TUBGCP3: variants seen among roughly 807,000 people sequenced by gnomAD.
TUBGCP3 encodes the protein gamma-tubulin complex component 3.
In TUBGCP3, 50 loss-of-function variants were observed where a neutral mutation model predicts 123.1. The ratio of observed to expected loss-of-function variants is 0.41; its 90% confidence interval spans 0.32 to 0.51. The LOEUF (loss-of-function observed/expected upper bound fraction) is 0.51, where lower values mean the gene tolerates loss of function less well. Ranked by LOEUF, TUBGCP3 falls within the 20% of genes least tolerant of loss-of-function variation. The pLI is 0.36. For missense variants in TUBGCP3, 882 were observed against 1,127.0 expected, an observed-to-expected ratio of 0.78 and a Z score of 3.11; for synonymous variants, 405 against 413.9, an observed-to-expected ratio of 0.98 and a Z score of 0.26.
At chr13:112,547,567 CGTGGG>C (rs763999225) in intron 10 of TUBGCP3, 48 bp downstream of exon 10, 2 of 1,352,908 alleles carry the variant, frequency 1.5e-6, no homozygotes, top group African/African-American at 3.3e-5. Context: ...GAAAGTCGCG[CGTGGG>C]AAAGTCGCGC....
Position 112,558,087 on chromosome 13 carries a change from G to A in TUBGCP3, c.548+109C>T, listed in dbSNP as rs550026158. The A allele has an allele frequency of 3.4e-4, 417 of 1,227,192 alleles. 1 individual carries two copies. Among genetic ancestry groups the A allele is most frequent in the Non-Finnish European group, 4.2e-4 (379 of 895,590 alleles). The allele number at this position is 1,227,192 out of a possible 1,614,324, so 76.0% of individuals were successfully genotyped here. ...CAGTGCCCAGAACACTGTCTGGCAC[G>A]TATGAGGCCCCACTGATACTGTGGG... is the stretch of plus-strand genomic sequence containing the variant. On this transcript the variant is annotated intron_variant, in intron 5 of 21. Transcript: ENST00000261965.
intron 1 of TUBGCP3, among the ~76,000 whole-genome samples, chr13:112,576,128 C>T (rs1006700297): frequency 6.6e-6 from 1 of 152,178 alleles, no homozygotes; most frequent in African/African-American, 2.4e-5. Flanking sequence ...GTAACAACTA[C>T]AAGACTTAAA....
chr13:112,513,604 G>A (rs1021833037), intron 17 of TUBGCP3, among the ~76,000 whole-genome samples: 1 of 152,154 alleles, frequency 6.6e-6, no homozygotes, highest in Non-Finnish European at 1.5e-5. Flanking sequence ...CTCTCTACAG[G>A]GTCTGTCTGT....
chr13:112,588,203 G>A, upstream of TUBGCP3: 1 of 401,258 alleles, frequency 2.5e-6, no homozygotes. Flanking sequence ...GGCCGCGCGT[G>A]CGGCTGCCTA....
intron 1 of TUBGCP3, among the ~76,000 whole-genome samples, chr13:112,573,572 G>A (rs1159884260): frequency 6.6e-6 from 1 of 152,144 alleles, no homozygotes; most frequent in African/African-American, 2.4e-5. Context: ...CCCAATCTGA[G>A]GAACTCCCAC....
chr13:112,587,877 C>T, intron 1 of TUBGCP3, 28 bp downstream of exon 1: 2 of 1,577,818 alleles, frequency 1.3e-6, no homozygotes, highest in Non-Finnish European at 1.7e-6. Context: ...GACGGGTCTG[C>T]GGGCTTCGCG....
intron 1 of TUBGCP3, 24 bp downstream of exon 1, chr13:112,587,881 C>T (rs748437530): frequency 6.3e-6 from 10 of 1,582,794 alleles, no homozygotes; most frequent in East Asian, 2.4e-5. Context: ...GGTCTGCGGG[C>T]TTCGCGTCGC....
chr13:112,560,193 G>A (rs1012758939), intron 3 of TUBGCP3, among the ~76,000 whole-genome samples: 2 of 151,256 alleles, frequency 1.3e-5, no homozygotes, highest in Non-Finnish European at 2.9e-5. Context: ...CACTTTGGGA[G>A]GCCGAGGCGG....
intron 11 of TUBGCP3, among the ~76,000 whole-genome samples, chr13:112,533,607 T>C (rs979022765): frequency 2.0e-5 from 3 of 151,912 alleles, no homozygotes; most frequent in Non-Finnish European, 2.9e-5. Context: ...ACCCGTGCCT[T>C]TGTCGTCAAC....
In TUBGCP3 at chr13:112,545,796, G is replaced by A. The variant is rs1224799577; in HGVS notation, c.1238C>T (p.Ser413Phe). Residue 413 changes from serine (S) to phenylalanine (F), a missense_variant, in exon 11 of 22, where the codon TCT (serine) becomes TTT (phenylalanine). Transcript: ENST00000261965. This position sits in a 1 kb window ranked among gnomAD's most constrained non-coding sequence, Gnocchi z 4.1. The stretch of plus-strand genomic sequence containing the variant: ...GAGGCTGAGGATGTGCTGCACCAGA[G>A]ACCGCATGTACGGGTCTCCTGTTTT... ...YTKTGDPYMR[S>F]LVQHILSLVS... 1 of 1,614,066 alleles carries A rather than the reference G, an allele frequency of 6.2e-7. No individual in the cohort carries two copies. Among genetic ancestry groups the A allele is most frequent in the African/African-American group, 1.3e-5 (1 of 74,934 alleles).
chr13:112,551,303 G>A (rs1879568461), intron 8 of TUBGCP3, among the ~76,000 whole-genome samples: 1 of 152,174 alleles, frequency 6.6e-6, no homozygotes. Flanking sequence ...TTTCCACCTT[G>A]GTTCATTAAA....
At chr13:112,486,785 C>A (rs1325620972) in intron 21 of TUBGCP3, among the ~76,000 whole-genome samples, 1 of 152,244 alleles carries the variant, frequency 6.6e-6, no homozygotes, top group Admixed American at 6.5e-5. Context: ...TGAGTACAGG[C>A]CCATCCCCGC....
chr13:112,582,867 G>C (rs184219026), intron 1 of TUBGCP3, among the ~76,000 whole-genome samples: 5 of 152,324 alleles, frequency 3.3e-5, no homozygotes, highest in Admixed American at 1.3e-4. Flanking sequence ...CACACTGCCT[G>C]ACCAGAGAGC....
chr13:112,567,969 A>G (rs1424599282), intron 2 of TUBGCP3, among the ~76,000 whole-genome samples: 4 of 147,322 alleles, frequency 2.7e-5, no homozygotes, highest in African/African-American at 1.1e-4. Context: ...AGGTGTTATC[A>G]CTAAGACCTA....
At chr13:112,603,573 G>GA in the TUBGCP3 span, 4 of 152,142 alleles carry the variant, frequency 2.6e-5, no homozygotes, top group African/African-American at 9.7e-5. Flanking sequence ...AAATACAAAA[G>GA]AAATTAGCCA....
At chr13:112,564,626 G>C (rs1880808543) in intron 3 of TUBGCP3, among the ~76,000 whole-genome samples, 1 of 152,066 alleles carries the variant, frequency 6.6e-6, no homozygotes, top group Non-Finnish European at 1.5e-5. Context: ...GACCAGCCTG[G>C]GGAACACAGC....
intron 17 of TUBGCP3, 97 bp downstream of exon 17, chr13:112,516,343 C>T (rs756538500): frequency 6.0e-5 from 78 of 1,298,158 alleles, no homozygotes; most frequent in Admixed American, 1.1e-4. Context: ...CACCGTGAGT[C>T]TACCTTAACT....
At chr13:112,596,054 TCTC>T in the TUBGCP3 span, among the ~76,000 whole-genome samples, 1 of 152,174 alleles carries the variant, frequency 6.6e-6, no homozygotes, top group Non-Finnish European at 1.5e-5. Flanking sequence ...ATGAACGCAA[TCTC>T]CTTTTATGTC....
intron 17 of TUBGCP3, among the ~76,000 whole-genome samples, chr13:112,512,907 A>G (rs1437494732): frequency 1.3e-5 from 2 of 152,208 alleles, no homozygotes; most frequent in Admixed American, 6.5e-5. Context: ...GAAAACTAAG[A>G]AAGTGTTACT....
Sources: allele counts gnomAD v4.1 joint callset (sites outside exome capture counted in the v4.1 genomes callset), GRCh38; gene constraint gnomAD v4.1.1; non-coding constraint Gnocchi (gnomAD v3.1); transcripts MANE v1.5; gene names NCBI Gene and HGNC (gene_info 2026-07-23, HGNC 2026-07-21).